The following KLHL29 variants were observed in gnomAD, a reference collection of about 807,000 sequenced individuals.
KLHL29 encodes the protein kelch-like protein 29.
Under a neutral mutation model 80.4 loss-of-function variants are expected in KLHL29, and 21 were observed. The observed-to-expected ratio is 0.26, with a 90% confidence interval of 0.19 to 0.38. KLHL29 has a LOEUF of 0.38. KLHL29 is among the 10% of genes least tolerant of loss of function. The probability of loss-of-function intolerance (pLI) is 1.00; values close to 1 mark genes in which losing one functional copy is unlikely to be tolerated. For missense variants in KLHL29, 867 were observed against 1,223.9 expected (o/e 0.71, Z 4.35); for synonymous variants, 511 against 526.8 (o/e 0.97, Z 0.41).
At position 23,575,324 on chromosome 2, in the gene KLHL29, G is replaced by A. The variant is rs1572411204; in HGVS notation, c.285+12843G>A. On this transcript the variant is annotated intron_variant, in intron 3 of 13. Coordinates refer to ENST00000486442, the MANE Select transcript of KLHL29 (RefSeq NM_052920.2). ...TCTCACCAGCATCAAGCCCACCAGA[G>A]CCCAGCTCTGGGCTAGAAATATGCG... Among the ~76,000 whole-genome samples, 3 of 152,316 alleles carry A rather than the reference G, an allele frequency of 2.0e-5. No homozygotes were observed. In the South Asian group the frequency reaches 6.2e-4, roughly 32 times the overall value.
chr2:23,421,669 GTGTTA>G (rs969538508), intron 1 of KLHL29, among the ~76,000 whole-genome samples: 1 of 150,846 alleles, frequency 6.6e-6, no homozygotes, highest in Non-Finnish European at 1.5e-5. Flanking sequence ...CTGTGTGTGT[GTGTTA>G]TATGTTGTGT....
chr2:23,501,261 G>A lies in KLHL29; in HGVS notation c.-46+25594G>A, dbSNP rs568238813. 3.9e-5 allele frequency among the ~76,000 whole-genome samples: 6 copies of A among 152,116 alleles called. No homozygotes were observed. The South Asian group carries it at 6.2e-4, about 16-fold the overall frequency. ...CTCAGGGTCTGTTCCTTGCTAGACC[G>A]GGTCCAATTGGTATCAGCCCCCTAT... On this transcript the variant is annotated intron_variant, in intron 2 of 13. Coordinates refer to ENST00000486442, the MANE Select transcript of KLHL29 (RefSeq NM_052920.2).
At chr2:23,491,712 C>G (rs1665108323) in intron 2 of KLHL29, among the ~76,000 whole-genome samples, 1 of 152,130 alleles carries the variant, frequency 6.6e-6, no homozygotes, top group Non-Finnish European at 1.5e-5. Context: ...AGATCCATCC[C>G]TAGGGATTGG....
chr2:23,422,789 T>C (rs1333863078), intron 1 of KLHL29, among the ~76,000 whole-genome samples: 2 of 152,174 alleles, frequency 1.3e-5, no homozygotes, highest in Non-Finnish European at 2.9e-5. Flanking sequence ...CCTGTGTGTG[T>C]GTTCGTGTGT....
At chr2:23,426,476 CT>C (rs1186911243) in intron 1 of KLHL29, among the ~76,000 whole-genome samples, 1 of 152,228 alleles carries the variant, frequency 6.6e-6, no homozygotes, top group African/African-American at 2.4e-5. Flanking sequence ...AGTTCTGGTT[CT>C]TTCTGCCCCT....
intron 5 of KLHL29, among the ~76,000 whole-genome samples, chr2:23,674,116 C>A (rs1670859530): frequency 6.6e-6 from 1 of 152,168 alleles, no homozygotes; most frequent in Non-Finnish European, 1.5e-5. Flanking sequence ...CCAGCACTTG[C>A]CCCGGTCAGA....
At chr2:23,588,275 C>T (rs547632012) in intron 3 of KLHL29, among the ~76,000 whole-genome samples, 1 of 152,324 alleles carries the variant, frequency 6.6e-6, no homozygotes, top group Admixed American at 6.5e-5. Flanking sequence ...AGGACTCTCC[C>T]TTGGCCCAGT....
At chr2:23,623,811 C>T (rs1258163571) in intron 3 of KLHL29, among the ~76,000 whole-genome samples, 3 of 152,160 alleles carry the variant, frequency 2.0e-5, no homozygotes, top group Admixed American at 6.5e-5. Context: ...GGTTGTACAG[C>T]GTGGACTGTG....
chr2:23,527,184 G>T (rs562531474), intron 2 of KLHL29, among the ~76,000 whole-genome samples: 2 of 152,164 alleles, frequency 1.3e-5, no homozygotes, highest in Non-Finnish European at 2.9e-5. Flanking sequence ...CGGAGGACAC[G>T]TGTGTTTCCT....
At chr2:23,610,268 C>T (rs1381282563) in intron 3 of KLHL29, among the ~76,000 whole-genome samples, 4 of 152,166 alleles carry the variant, frequency 2.6e-5, no homozygotes, top group East Asian at 1.9e-4. Flanking sequence ...GCTGGCCTCT[C>T]GGTACTGAAT....
chr2:23,627,555 A>G (rs1669346964), intron 3 of KLHL29, among the ~76,000 whole-genome samples: 1 of 152,196 alleles, frequency 6.6e-6, no homozygotes, highest in Non-Finnish European at 1.5e-5. Context: ...TGAAGTCCCC[A>G]CAATAAAACT....
intron 2 of KLHL29, among the ~76,000 whole-genome samples, chr2:23,497,385 C>G (rs777664510): frequency 2.6e-5 from 4 of 152,162 alleles, no homozygotes; most frequent in Admixed American, 6.5e-5. Context: ...AGTCACTCAG[C>G]CCCTCCCTCT....
intron 2 of KLHL29, chr2:23,523,846 C>A: frequency 2.8e-6 from 1 of 359,980 alleles, no homozygotes; most frequent in Non-Finnish European, 5.9e-6. Context: ...TTTCAACAAG[C>A]TTCTCTTCCA....
At position 23,695,484 on chromosome 2, in the gene KLHL29, G is replaced by T. The variant is rs1223035172; in HGVS notation, c.1543-139G>T. The T allele has an allele frequency of 3.0e-6, 2 of 667,588 alleles. No individual in the cohort carries two copies. Among genetic ancestry groups the T allele is most frequent in the Non-Finnish European group, 5.0e-6 (2 of 398,498 alleles). The allele number at this position is 667,588 out of a possible 1,614,324, so 41.4% of individuals were successfully genotyped here. ...TAGACTTCCCTTCACCTCTGTCTAG[G>T]CTAGCAGAGTATCTACACTCCCAAG... is the stretch of plus-strand genomic sequence containing the variant. On this transcript the variant is annotated intron_variant, in intron 8 of 13. Transcript: ENST00000486442. This position sits in a 1 kb window ranked among gnomAD's most constrained non-coding sequence, Gnocchi z 7.6.
rs531892818 is a variant in KLHL29 at position 23,700,148 on chromosome 2, C to A, written c.2106-3038C>A. On this transcript the variant is annotated intron_variant, in intron 11 of 13. Transcript: ENST00000486442. The surrounding 1 kb of genome is among the most constrained non-coding windows in gnomAD (Gnocchi z 4.6). The stretch of plus-strand genomic sequence containing the variant: ...CCCGTCTCTTTCATACACATTTAAT[C>A]TTTCATTATCCAGTTGGACTCCTTC... Among the ~76,000 whole-genome samples, 1 of 152,326 alleles carries A rather than the reference C, an allele frequency of 6.6e-6. No individual in the cohort carries two copies. Among genetic ancestry groups the A allele is most frequent in the East Asian group, 1.9e-4 (1 of 5,186 alleles).
At chr2:23,460,502 A>G (rs532505471) in intron 1 of KLHL29, among the ~76,000 whole-genome samples, 3 of 152,162 alleles carry the variant, frequency 2.0e-5, no homozygotes, top group African/African-American at 4.8e-5. Context: ...GAACAAGCCC[A>G]TTACAAAGAA....
chr2:23,585,828 C>A (rs1558398228), intron 3 of KLHL29, among the ~76,000 whole-genome samples: 1 of 152,188 alleles, frequency 6.6e-6, no homozygotes. Flanking sequence ...AACTTCCAAG[C>A]AATAGCAGAC....
chr2:23,456,213 T>A (rs1448984084), intron 1 of KLHL29, among the ~76,000 whole-genome samples: 1 of 152,190 alleles, frequency 6.6e-6, no homozygotes, highest in Non-Finnish European at 1.5e-5. Context: ...CAGATTCCTG[T>A]TTGATGGTAG....
In KLHL29 at chr2:23,681,587, T is replaced by C. The variant is rs1358679537; in HGVS notation, c.941-2812T>C. On this transcript the variant is annotated intron_variant, in intron 5 of 13. Transcript: ENST00000486442. This position sits in a 1 kb window ranked among gnomAD's most constrained non-coding sequence, Gnocchi z 4.2. ...CAGCAGGCATGTGGGGCCACATCTG[T>C]CACTCTCTGCAGCATGACACCCAGG... is the stretch of plus-strand genomic sequence containing the variant. 6.6e-6 allele frequency among the ~76,000 whole-genome samples: 1 copy of C among 152,168 alleles called. No homozygotes were observed. The highest frequency in any genetic ancestry group is 1.5e-5 in the Non-Finnish European group (1 of 68,020).
Sources: gnomAD v4.1 joint callset for allele counts (sites outside exome capture counted in the v4.1 genomes callset) on GRCh38, gnomAD v4.1.1 for gene constraint, Gnocchi (gnomAD v3.1) non-coding constraint, MANE v1.5 for transcripts, NCBI Gene and HGNC (gene_info 2026-07-23, HGNC 2026-07-21) for gene names.